Variants in KCNJ1 observed in about 807,000 individuals in gnomAD.
The protein encoded by KCNJ1 is potassium inwardly rectifying channel subfamily J member 1, also known as ATP-sensitive inward rectifier potassium channel 1.
A neutral mutation model predicts 21.9 loss-of-function variants in KCNJ1; 24 were observed. The observed-to-expected ratio is 1.10, with a 90% CI of 0.79 to 1.54. The LOEUF (loss-of-function observed/expected upper bound fraction) is 1.54. KCNJ1 is among the 40% of genes most tolerant of loss of function. The probability of loss-of-function intolerance (pLI) is 0.00; values close to 1 mark genes in which losing one functional copy is unlikely to be tolerated. For synonymous variants in KCNJ1, 152 were observed against 160.9 expected (o/e 0.94, Z 0.42); for missense variants, 457 against 455.4 (o/e 1.00, Z -0.03).
intron 2 of KCNJ1, 69 bp from the exon 3 acceptor site, chr11:128,840,333 T>C: frequency 2.1e-6 from 3 of 1,429,022 alleles, no homozygotes; most frequent in Non-Finnish European, 3.0e-6. Flanking sequence ...GTGACCCACA[T>C]GAAAGACCTA....
At chr11:128,856,691 A>T (rs1198777129) in intron 1 of KCNJ1, among the ~76,000 whole-genome samples, 1 of 152,052 alleles carries the variant, frequency 6.6e-6, no homozygotes, top group Non-Finnish European at 1.5e-5. Flanking sequence ...CCCACCCCCG[A>T]GTCAAGCAAA....
At position 128,850,830 on chromosome 11, in the gene KCNJ1, A is replaced by C. The variant is rs1238789355; in HGVS notation, c.-131T>G. The C allele has an allele frequency of 1.0e-6, 1 of 985,348 alleles. No homozygotes were observed. The highest frequency in any genetic ancestry group is 1.2e-6 in the Non-Finnish European group (1 of 829,936). 61.0% of individuals were successfully genotyped at this position (985,348 alleles called of 1,614,324 possible). On this transcript the variant is annotated 5_prime_UTR_variant, in exon 2 of 3. Transcript: ENST00000392666. ...TGGGATTCCACCTGTGGGGCTCAGA[A>C]CTTGTCACACTGTCTTTGTCAGGGC...
At chr11:128,845,608 G>A (rs369669800) in intron 2 of KCNJ1, among the ~76,000 whole-genome samples, 2 of 152,216 alleles carry the variant, frequency 1.3e-5, no homozygotes, top group East Asian at 3.9e-4. Context: ...CCTTCTGTTC[G>A]GTAATGCCAG....
At chr11:128,842,803 G>A (rs775023624) in intron 2 of KCNJ1, among the ~76,000 whole-genome samples, 26 of 152,134 alleles carry the variant, frequency 1.7e-4, no homozygotes, top group Non-Finnish European at 2.8e-4. Flanking sequence ...ACAACTGGCC[G>A]GAAACACTTA....
At chr11:128,851,521 A>C (rs1943477467) in intron 1 of KCNJ1, among the ~76,000 whole-genome samples, 1 of 152,216 alleles carries the variant, frequency 6.6e-6, no homozygotes, top group Non-Finnish European at 1.5e-5. Context: ...TCAGCCACCC[A>C]CCTCAAATGG....
At chr11:128,865,260 C>G (rs1352464226) in intron 1 of KCNJ1, among the ~76,000 whole-genome samples, 1 of 152,118 alleles carries the variant, frequency 6.6e-6, no homozygotes, top group Non-Finnish European at 1.5e-5. Context: ...AGCGATGATA[C>G]TATGAGCTAC....
intron 1 of KCNJ1, among the ~76,000 whole-genome samples, chr11:128,858,098 G>C (rs1238940510): frequency 6.7e-6 from 1 of 150,028 alleles, no homozygotes; most frequent in Admixed American, 6.6e-5. Context: ...ACGATGGCGA[G>C]AGATGGGGAG....
chr11:128,862,636 C>T (rs1468801818), intron 1 of KCNJ1, among the ~76,000 whole-genome samples: 1 of 152,206 alleles, frequency 6.6e-6, no homozygotes, highest in Non-Finnish European at 1.5e-5. Context: ...TACTCATCCC[C>T]TCACGGGGAC....
intron 2 of KCNJ1, among the ~76,000 whole-genome samples, chr11:128,843,433 C>G (rs770889878): frequency 1.3e-5 from 2 of 152,158 alleles, no homozygotes; most frequent in Non-Finnish European, 2.9e-5. Context: ...GCAAAACAAG[C>G]GGATTACATT....
intron 1 of KCNJ1, among the ~76,000 whole-genome samples, chr11:128,862,680 C>T (rs1463952787): frequency 6.6e-6 from 1 of 152,254 alleles, no homozygotes; most frequent in Non-Finnish European, 1.5e-5. Context: ...TGTGTCATCA[C>T]ACTTCACTAA....
rs183468130 is a variant in KCNJ1, at chr11:128,859,729, C to T, written c.-192+7444G>A. 1.0e-3 allele frequency among the ~76,000 whole-genome samples: 159 copies of T among 152,316 alleles called. 1 individual carries two copies. Among genetic ancestry groups the T allele is most frequent in the African/African-American group, 3.2e-3 (132 of 41,584 alleles). ...CTCTCCTGGCTAGCCCTCCCGTCTG[C>T]GTCTCTCAGGGCATCTGTAGTGGGA... On this transcript the variant is annotated intron_variant, in intron 1 of 2. Coordinates refer to ENST00000392666, the MANE Select transcript of KCNJ1 (RefSeq NM_153766.3).
At chr11:128,841,830 A>T (rs758645817) in intron 2 of KCNJ1, among the ~76,000 whole-genome samples, 4 of 152,198 alleles carry the variant, frequency 2.6e-5, no homozygotes, top group African/African-American at 4.8e-5. Context: ...AAAAAAAGAA[A>T]ATGCTGCCAA....
chr11:128,858,550 G>C (rs75751373), intron 1 of KCNJ1, among the ~76,000 whole-genome samples: 7 of 152,306 alleles, frequency 4.6e-5, no homozygotes, highest in African/African-American at 1.7e-4. Context: ...AAAGAGACTG[G>C]CCAATAATAA....
intron 2 of KCNJ1, among the ~76,000 whole-genome samples, chr11:128,847,526 G>C (rs2135947560): frequency 6.6e-6 from 1 of 152,324 alleles, no homozygotes; most frequent in East Asian, 1.9e-4. Flanking sequence ...AAGTTAAATA[G>C]AAAAAGCCAT....
At chr11:128,843,366 T>C (rs1304710125) in intron 2 of KCNJ1, among the ~76,000 whole-genome samples, 8 of 152,232 alleles carry the variant, frequency 5.3e-5, no homozygotes, top group Admixed American at 3.3e-4. Context: ...TAAATCTTAA[T>C]AGCAAGCAAA....
In KCNJ1 at chr11:128,842,360, G is replaced by A. The variant is rs775282964; in HGVS notation, c.-21-2096C>T. 2.5e-6 allele frequency: 4 copies of A among 1,613,538 alleles called. No homozygotes were observed. In the Middle Eastern group the frequency reaches 5.0e-4, roughly 200 times the overall value. On this transcript the variant is annotated intron_variant, in intron 2 of 2. Coordinates refer to ENST00000392666, the MANE Select transcript of KCNJ1 (RefSeq NM_153766.3). Reference sequence around the variant, plus strand: ...TATCTGCCTGGCTTTCCAGAGAGGTGATTTCCCCAGCCTCCACTTACCAAC... The same window carrying A: ...TATCTGCCTGGCTTTCCAGAGAGGTAATTTCCCCAGCCTCCACTTACCAAC...
rs1943203997 is a variant in KCNJ1, at chr11:128,838,279, ACTT to A, written c.*843_*845del. ...TCCATCCCATTCCTCTCTCTTTCCC[ACTT>A]CTTCTTTAGAAATAGCATTCCAGTA... On this transcript the variant is annotated 3_prime_UTR_variant, in exon 3 of 3. Transcript: ENST00000392666. 1.3e-5 allele frequency: 2 copies of A among 152,688 alleles called. No individual in the cohort carries two copies. The highest frequency in any genetic ancestry group is 1.3e-4 in the Admixed American group (2 of 15,292). The allele number at this position is 152,688 out of a possible 1,614,324, so 9.5% of individuals were successfully genotyped here.
chr11:128,841,678 T>C (rs1943283924), intron 2 of KCNJ1, among the ~76,000 whole-genome samples: 1 of 152,210 alleles, frequency 6.6e-6, no homozygotes, highest in South Asian at 2.1e-4. Flanking sequence ...TGATACATTT[T>C]AAATAATAGT....
chr11:128,843,205 A>C (rs543574576), intron 2 of KCNJ1, among the ~76,000 whole-genome samples: 1 of 152,344 alleles, frequency 6.6e-6, no homozygotes, highest in South Asian at 2.1e-4. Flanking sequence ...CTATTATTGC[A>C]CAGATCCTAC....
Sources: allele counts gnomAD v4.1 joint callset (sites outside exome capture counted in the v4.1 genomes callset), GRCh38; gene constraint gnomAD v4.1.1; transcripts MANE v1.5; gene names NCBI Gene and HGNC (gene_info 2026-07-23, HGNC 2026-07-21).